Variants in SMIM8 observed in about 807,000 individuals in gnomAD.
SMIM8 encodes the protein UPF0708 protein C6orf162.
A neutral mutation model predicts 8.1 loss-of-function variants in SMIM8; 8 were observed. The observed-to-expected ratio is 0.99, with a 90% CI of 0.58 to 1.78. The LOEUF (loss-of-function observed/expected upper bound fraction) is 1.78. SMIM8 is among the 40% of genes most tolerant of loss of function. SMIM8 has a pLI of 0.00. For missense variants in SMIM8, 126 were observed against 119.8 expected, an observed-to-expected ratio of 1.05 and a Z score of -0.24; for synonymous variants, 45 against 39.7, an observed-to-expected ratio of 1.13 and a Z score of -0.50.
chr6:87,327,430 G>A (rs923453483), intron 1 of SMIM8, among the ~76,000 whole-genome samples: 6 of 152,170 alleles, frequency 3.9e-5, no homozygotes, highest in African/African-American at 1.2e-4. Flanking sequence ...TCCTTCAGGA[G>A]CTCTTTTAGG....
chr6:87,335,764 C>G (rs1777100572), intron 2 of SMIM8, among the ~76,000 whole-genome samples: 2 of 144,270 alleles, frequency 1.4e-5, no homozygotes, highest in Admixed American at 7.3e-5. Flanking sequence ...AATCCCAGCA[C>G]TTTGGGAGGC....
rs760502886 is a variant in SMIM8, at chr6:87,337,172, A to G, written c.135+6A>G. ...CAGAGCTCTTCATTAAACCTGTAAGAAATACATCCAGGATAAGACTTTGTG... is the reference window on the plus strand; with the variant it reads ...CAGAGCTCTTCATTAAACCTGTAAGGAATACATCCAGGATAAGACTTTGTG... On this transcript the variant is annotated splice_donor_region_variant and intron_variant, in intron 3 of 3. Coordinates refer to ENST00000392863, the MANE Select transcript of SMIM8 (RefSeq NM_001042493.3). 23 of 1,605,958 alleles carry G rather than the reference A, an allele frequency of 1.4e-5. 1 individual carries two copies. The Admixed American group carries it at 3.7e-4, about 26-fold the overall frequency.
In SMIM8 at chr6:87,340,373, A is replaced by G. The variant is rs1380748965; in HGVS notation, c.*99A>G. Reference sequence around the variant, plus strand: ...AGTATCATGTTTCTTGTTCTAGAACATGCTAATGAAGAGAGAAGATAGCAG... The same window carrying G: ...AGTATCATGTTTCTTGTTCTAGAACGTGCTAATGAAGAGAGAAGATAGCAG... On this transcript the variant is annotated 3_prime_UTR_variant, in exon 4 of 4. Coordinates refer to ENST00000392863, the MANE Select transcript of SMIM8 (RefSeq NM_001042493.3). The G allele has an allele frequency of 1.4e-5, 17 of 1,218,314 alleles. No individual in the cohort carries two copies. Among genetic ancestry groups the G allele is most frequent in the Non-Finnish European group, 1.7e-5 (16 of 944,340 alleles). 75.5% of individuals were successfully genotyped at this position (1,218,314 alleles called of 1,614,324 possible). A position where few individuals can be genotyped will look rare whatever the true frequency, so the allele number is the denominator to read the frequency against.
intron 1 of SMIM8, among the ~76,000 whole-genome samples, chr6:87,328,758 C>T (rs1462983358): frequency 1.3e-5 from 2 of 152,216 alleles, no homozygotes; most frequent in Non-Finnish European, 2.9e-5. Flanking sequence ...GGCAGGCCTC[C>T]TTGAGCTGTG....
chr6:87,341,282 G>A lies in SMIM8; in HGVS notation c.*1008G>A, dbSNP rs11962901. 9.5e-3 allele frequency: 3,792 copies of A among 398,508 alleles called. 128 individuals are homozygous for A. Among genetic ancestry groups the A allele is most frequent in the African/African-American group, 0.068 (3,305 of 48,720 alleles). 24.7% of individuals were successfully genotyped at this position (398,508 alleles called of 1,614,324 possible). A position where few individuals can be genotyped will look rare whatever the true frequency, so the allele number is the denominator to read the frequency against. On this transcript the variant is annotated 3_prime_UTR_variant, in exon 4 of 4. Coordinates refer to ENST00000392863, the MANE Select transcript of SMIM8 (RefSeq NM_001042493.3). ...TTGAAGTGTCTTTTATGGAAGTGGG[G>A]ACAGAAATGGGGGTAAAAATGAGTG... is the stretch of plus-strand genomic sequence containing the variant.
intron 1 of SMIM8, among the ~76,000 whole-genome samples, chr6:87,328,552 G>T (rs569480414): frequency 6.6e-6 from 1 of 152,076 alleles, no homozygotes; most frequent in Non-Finnish European, 1.5e-5. Flanking sequence ...CTGCCTCCCA[G>T]TTAGGCTGCT....
At chr6:87,330,802 T>G (rs1776978810) in intron 2 of SMIM8, 90 bp downstream of exon 2, 3 of 151,210 alleles carry the variant, frequency 2.0e-5, no homozygotes, top group African/African-American at 7.3e-5. Flanking sequence ...TGTTCTACTC[T>G]CCTCTATTTT....
intron 3 of SMIM8, among the ~76,000 whole-genome samples, chr6:87,339,312 C>T (rs1777170690): frequency 2.8e-5 from 4 of 144,280 alleles, no homozygotes; most frequent in South Asian, 2.2e-4. Context: ...TTAACAACAA[C>T]AACAAAACAC....
At chr6:87,324,353 G>C (rs538955159) in intron 1 of SMIM8, among the ~76,000 whole-genome samples, 223 of 152,236 alleles carry the variant, frequency 1.5e-3, no homozygotes, top group Non-Finnish European at 2.5e-3. Context: ...CCATGCCTAT[G>C]TCCTGAATGG....
rs542709138 is a variant in SMIM8 at position 87,335,276 on chromosome 6, T to C, written c.-23-1733T>C. Among the ~76,000 whole-genome samples, 5 of 152,318 alleles carry C rather than the reference T, an allele frequency of 3.3e-5. 1 individual carries two copies. The South Asian group carries it at 1.0e-3, about 32-fold the overall frequency. On this transcript the variant is annotated intron_variant, in intron 2 of 3. Coordinates refer to ENST00000392863, the MANE Select transcript of SMIM8 (RefSeq NM_001042493.3). ...CTCAACTGCTGCTGTCATTGATGTC[T>C]CAAACCAGTTTAATTTTGAAGACTG...
Position 87,337,655 on chromosome 6 carries a change from T to TAG in SMIM8, c.135+492_135+493dup, listed in dbSNP as rs148631968. On this transcript the variant is annotated intron_variant, in intron 3 of 3. Transcript: ENST00000392863. The stretch of plus-strand genomic sequence containing the variant: ...GATTTGATGATATTCATTTATTTAT[T>TAG]AGAGGTTCTGTCACCTAGGCTGTAG... Among the ~76,000 whole-genome samples, 493 of 152,336 alleles carry TAG rather than the reference T, an allele frequency of 3.2e-3. 2 individuals carry two copies. The highest frequency in any genetic ancestry group is 0.011 in the African/African-American group (474 of 41,582).
intron 1 of SMIM8, among the ~76,000 whole-genome samples, chr6:87,325,244 T>C (rs1041127734): frequency 1.3e-5 from 2 of 150,994 alleles, no homozygotes. Context: ...TTTTCCTAAT[T>C]GAATACCCTT....
intron 1 of SMIM8, among the ~76,000 whole-genome samples, chr6:87,324,902 G>A (rs1776778487): frequency 6.6e-6 from 1 of 152,216 alleles, no homozygotes; most frequent in Non-Finnish European, 1.5e-5. Flanking sequence ...CTACGCATGA[G>A]CATGGAATGT....
intron 2 of SMIM8, among the ~76,000 whole-genome samples, chr6:87,334,589 C>A (rs945893327): frequency 2.6e-5 from 4 of 152,150 alleles, no homozygotes; most frequent in African/African-American, 7.2e-5. Flanking sequence ...CAGGTGTGAG[C>A]CACCCCGCCC....
Position 87,324,868 on chromosome 6 carries a change from C to T in SMIM8, c.-45+2236C>T, listed in dbSNP as rs541184967. Among the ~76,000 whole-genome samples the T allele has an allele frequency of 5.2e-4, 79 of 152,252 alleles. 1 individual carries two copies. The highest frequency in any genetic ancestry group is 1.9e-3 in the African/African-American group (77 of 41,516). ...CTGTAAATTACCTTGGGCAGTATGGCCATTTTCACAATGTTGATTCTTCCT... is the reference window on the plus strand; with the variant it reads ...CTGTAAATTACCTTGGGCAGTATGGTCATTTTCACAATGTTGATTCTTCCT... On this transcript the variant is annotated intron_variant, in intron 1 of 3. Transcript: ENST00000392863.
chr6:87,332,201 A>G (rs451829), intron 2 of SMIM8, among the ~76,000 whole-genome samples: 64,837 of 151,440 alleles, frequency 0.43, 14,301 homozygotes, highest in Non-Finnish European at 0.48. Flanking sequence ...GACATATTTC[A>G]TATAGGTTGA....
intron 2 of SMIM8, among the ~76,000 whole-genome samples, chr6:87,334,841 G>C (rs1352113741): frequency 6.6e-6 from 1 of 152,158 alleles, no homozygotes; most frequent in Non-Finnish European, 1.5e-5. Context: ...TTACTGAATA[G>C]CTGATAAAGA....
In SMIM8 at chr6:87,341,611, T is replaced by G. The variant is rs1395346805; in HGVS notation, c.*1337T>G. The G allele has an allele frequency of 3.8e-6, 1 of 264,540 alleles. No homozygotes were observed. The highest frequency in any genetic ancestry group is 6.9e-5 in the East Asian group (1 of 14,520). The allele number at this position is 264,540 out of a possible 1,614,324, so 16.4% of individuals were successfully genotyped here. ...TAATAATAACAGCACAGGCAGAGTTTATCATAATGTTATTTTTAATTTGTC... is the reference window on the plus strand; with the variant it reads ...TAATAATAACAGCACAGGCAGAGTTGATCATAATGTTATTTTTAATTTGTC... On this transcript the variant is annotated 3_prime_UTR_variant, in exon 4 of 4. Coordinates refer to ENST00000392863, the MANE Select transcript of SMIM8 (RefSeq NM_001042493.3).
intron 1 of SMIM8, among the ~76,000 whole-genome samples, chr6:87,323,234 C>T (rs1031947826): frequency 2.6e-5 from 4 of 151,994 alleles, no homozygotes; most frequent in Admixed American, 6.6e-5. Flanking sequence ...GACAGTACTA[C>T]ATCCAAGAGG....
Sources: allele counts gnomAD v4.1 joint callset (sites outside exome capture counted in the v4.1 genomes callset), GRCh38; gene constraint gnomAD v4.1.1; transcripts MANE v1.5; gene names NCBI Gene and HGNC (gene_info 2026-07-23, HGNC 2026-07-21).